Variants in GALNT13 observed in about 807,000 individuals in gnomAD.
GALNT13 encodes polypeptide N-acetylgalactosaminyltransferase 13, also known as UDP-GalNAc:polypeptide N-acetylgalactosaminyltransferase 13.
GALNT13 carries 28 observed loss-of-function variants against 64.2 expected under a neutral mutation model. That is an observed-to-expected ratio of 0.44 (90% CI 0.32 to 0.60). The LOEUF (loss-of-function observed/expected upper bound fraction) is 0.60. Ranked by LOEUF, GALNT13 falls within the 20% of genes least tolerant of loss-of-function variation. The probability of loss-of-function intolerance (pLI) is 0.05; values close to 1 mark genes in which losing one functional copy is unlikely to be tolerated. For synonymous variants in GALNT13, 214 were observed against 224.6 expected (o/e 0.95, Z 0.42); for missense variants, 577 against 669.8 (o/e 0.86, Z 1.53).
intron 5 of GALNT13, among the ~76,000 whole-genome samples, chr2:154,242,443 T>G (rs1358720772): frequency 6.6e-6 from 1 of 152,162 alleles, no homozygotes; most frequent in East Asian, 1.9e-4. Context: ...ACCTAAAATT[T>G]CAGCCAAAAT....
the GALNT13 span, among the ~76,000 whole-genome samples, chr2:153,842,571 C>G: frequency 6.6e-6 from 1 of 152,066 alleles, no homozygotes; most frequent in African/African-American, 2.4e-5. Flanking sequence ...ACACACACTG[C>G]CTGCTAAAGA....
rs563031126 is a variant in GALNT13, at chr2:153,886,278, T to G, written c.-177+13975T>G. ...GCACAACGTGCAGGTTTGTTATGTA[T>G]GTATGCATGTGCCATGTTGGTGTGC... is the stretch of plus-strand genomic sequence containing the variant. On this transcript the variant is annotated intron_variant, in intron 1 of 12. Transcript: ENST00000392825. 7.9e-5 allele frequency among the ~76,000 whole-genome samples: 12 copies of G among 151,926 alleles called. No individual in the cohort carries two copies. The East Asian group carries it at 2.3e-3, about 30-fold the overall frequency.
chr2:153,771,146 A>T, the GALNT13 span, among the ~76,000 whole-genome samples: 382 of 152,260 alleles, frequency 2.5e-3, 11 homozygotes, highest in East Asian at 0.049. Context: ...CCCAGCAATG[A>T]TTGGAAAAAC....
At chr2:154,203,511 A>G (rs1462330539) in intron 4 of GALNT13, among the ~76,000 whole-genome samples, 1 of 152,088 alleles carries the variant, frequency 6.6e-6, no homozygotes, top group African/African-American at 2.4e-5. Flanking sequence ...AATTTTTTTC[A>G]CTATAAAACC....
intron 3 of GALNT13, among the ~76,000 whole-genome samples, chr2:154,077,736 G>T (rs1701063124): frequency 6.6e-6 from 1 of 151,456 alleles, no homozygotes; most frequent in Admixed American, 6.6e-5. Context: ...AATACCCACA[G>T]ATTTTAATGA....
At chr2:154,077,566 T>C (rs1701053512) in intron 3 of GALNT13, among the ~76,000 whole-genome samples, 1 of 151,548 alleles carries the variant, frequency 6.6e-6, no homozygotes. Flanking sequence ...TAAAATATAA[T>C]ATTGAATGGT....
intron 4 of GALNT13, among the ~76,000 whole-genome samples, chr2:154,150,728 T>C (rs1683951549): frequency 6.6e-6 from 1 of 152,240 alleles, no homozygotes. Flanking sequence ...GAGGTGTTTG[T>C]AGTATTCTCA....
the GALNT13 span, among the ~76,000 whole-genome samples, chr2:153,542,838 C>T: frequency 3.3e-5 from 5 of 152,134 alleles, no homozygotes; most frequent in Admixed American, 6.5e-5. Context: ...TCGACTTCTA[C>T]CCCATTGCTT....
the GALNT13 span, among the ~76,000 whole-genome samples, chr2:153,377,810 G>T: frequency 6.6e-6 from 1 of 152,136 alleles, no homozygotes; most frequent in Non-Finnish European, 1.5e-5. Flanking sequence ...ATTAAAATGT[G>T]CATTCACATC....
chr2:153,773,401 A>T, the GALNT13 span, among the ~76,000 whole-genome samples: 1 of 152,204 alleles, frequency 6.6e-6, no homozygotes, highest in Non-Finnish European at 1.5e-5. Flanking sequence ...TTCATTTATC[A>T]AACTAATTCT....
the GALNT13 span, among the ~76,000 whole-genome samples, chr2:153,671,382 G>T: frequency 1.3e-5 from 2 of 152,144 alleles, no homozygotes; most frequent in Non-Finnish European, 2.9e-5. Context: ...CCAGAAAAGA[G>T]TGGGGGCCAA....
chr2:153,649,931 T>C, the GALNT13 span, among the ~76,000 whole-genome samples: 1 of 152,228 alleles, frequency 6.6e-6, no homozygotes, highest in African/African-American at 2.4e-5. Context: ...TTGAAAAGAA[T>C]GTATATTCTG....
chr2:154,369,770 T>G (rs904379196), intron 9 of GALNT13, among the ~76,000 whole-genome samples: 1 of 152,160 alleles, frequency 6.6e-6, no homozygotes, highest in Non-Finnish European at 1.5e-5. Context: ...TTCCTCAAAG[T>G]GCTGGAGGCT....
At chr2:153,273,220 A>G in the GALNT13 span, among the ~76,000 whole-genome samples, 2,207 of 152,342 alleles carry the variant, frequency 0.014, 58 homozygotes, top group African/African-American at 0.049. Context: ...TGTCATGTGT[A>G]TACCTATGTA....
At chr2:153,966,719 T>G (rs1395003502) in intron 3 of GALNT13, among the ~76,000 whole-genome samples, 1 of 152,048 alleles carries the variant, frequency 6.6e-6, no homozygotes, top group Non-Finnish European at 1.5e-5. Flanking sequence ...ATTATATGCT[T>G]TAAGGTAATC....
the GALNT13 span, among the ~76,000 whole-genome samples, chr2:153,414,146 C>T: frequency 3.3e-5 from 5 of 151,984 alleles, no homozygotes; most frequent in Middle Eastern, 3.2e-3. Context: ...GAGTCTGAGG[C>T]GGGCAGATCA....
chr2:153,577,623 G>T, the GALNT13 span, among the ~76,000 whole-genome samples: 1 of 151,868 alleles, frequency 6.6e-6, no homozygotes, highest in Admixed American at 6.6e-5. Context: ...GATTCTATAG[G>T]TTCATACACA....
chr2:153,825,945 C>T, the GALNT13 span, among the ~76,000 whole-genome samples: 5 of 152,144 alleles, frequency 3.3e-5, no homozygotes, highest in Non-Finnish European at 7.4e-5. Context: ...TTTATCCTAG[C>T]TCCCTGGTAC....
intron 4 of GALNT13, 69 bp downstream of exon 4, chr2:154,140,574 G>A: frequency 8.9e-7 from 1 of 1,124,762 alleles, no homozygotes; most frequent in Non-Finnish European, 1.3e-6. Flanking sequence ...CAGAACTTGA[G>A]CTAACTCAGA....
Sources: gnomAD v4.1 joint callset for allele counts (sites outside exome capture counted in the v4.1 genomes callset) on GRCh38, gnomAD v4.1.1 for gene constraint, MANE v1.5 for transcripts, NCBI Gene and HGNC (gene_info 2026-07-23, HGNC 2026-07-21) for gene names.